The following AMBRA1 variants were observed in gnomAD, a reference collection of about 807,000 sequenced individuals.
AMBRA1 encodes the protein activating molecule in BECN1-regulated autophagy protein 1.
AMBRA1 carries 47 observed loss-of-function variants against 125.4 expected under a neutral mutation model. The observed-to-expected ratio is 0.37, with a 90% CI of 0.30 to 0.48. The LOEUF (loss-of-function observed/expected upper bound fraction) is 0.48, where lower values mean the gene tolerates loss of function less well. Ranked by LOEUF, AMBRA1 falls within the 20% of genes least tolerant of loss-of-function variation. The probability of loss-of-function intolerance (pLI) is 0.99; values close to 1 mark genes in which losing one functional copy is unlikely to be tolerated. For missense variants in AMBRA1, 1,331 were observed against 1,693.4 expected, an observed-to-expected ratio of 0.79 and a Z score of 3.76; for synonymous variants, 626 against 655.5, an observed-to-expected ratio of 0.95 and a Z score of 0.69.
intron 7 of AMBRA1, among the ~76,000 whole-genome samples, chr11:46,532,226 G>C (rs1485683231): frequency 1.3e-5 from 2 of 152,166 alleles, no homozygotes; most frequent in African/African-American, 4.8e-5. Context: ...CTAAGTGGAT[G>C]AAGGCCAGTA....
chr11:46,571,023 C>T (rs1371442625), intron 1 of AMBRA1, among the ~76,000 whole-genome samples: 1 of 152,164 alleles, frequency 6.6e-6, no homozygotes, highest in Non-Finnish European at 1.5e-5. Flanking sequence ...GCAAGTGTTA[C>T]CCTCAAGGAA....
chr11:46,433,698 T>G (rs556894977), intron 13 of AMBRA1, 70 bp from the exon 14 acceptor site: 2 of 1,493,422 alleles, frequency 1.3e-6, no homozygotes, highest in Non-Finnish European at 1.8e-6. Context: ...CTTTCACTCT[T>G]ACTCTTGTCT....
intron 9 of AMBRA1, chr11:46,494,804 T>C (rs188387893): frequency 2.0e-4 from 31 of 152,710 alleles, no homozygotes; most frequent in Admixed American, 2.0e-3. Context: ...CGTAATCCTA[T>C]GTTAGGTCAT....
At chr11:46,524,328 G>A (rs1282313575) in intron 7 of AMBRA1, among the ~76,000 whole-genome samples, 1 of 152,218 alleles carries the variant, frequency 6.6e-6, no homozygotes, top group Non-Finnish European at 1.5e-5. Context: ...ACCAGTATGT[G>A]ACAGGTGAAG....
chr11:46,488,689 A>G (rs1950350207), intron 11 of AMBRA1, among the ~76,000 whole-genome samples: 1 of 152,214 alleles, frequency 6.6e-6, no homozygotes, highest in Non-Finnish European at 1.5e-5. Flanking sequence ...ACTCTCTAGA[A>G]GAGCCTATAT....
chr11:46,435,682 TATGC>T (rs1947683045), intron 12 of AMBRA1, among the ~76,000 whole-genome samples: 1 of 152,240 alleles, frequency 6.6e-6, no homozygotes, highest in Admixed American at 6.5e-5. Context: ...CATTTCCCAC[TATGC>T]TCTATGCCAA....
intron 2 of AMBRA1, 151 bp from the exon 3 acceptor site, chr11:46,548,026 T>A: frequency 8.3e-7 from 1 of 1,202,034 alleles, no homozygotes; most frequent in Non-Finnish European, 1.2e-6. Flanking sequence ...TTGAGAGAGA[T>A]AAACCTAAAT....
rs184210057 is a variant in AMBRA1 at position 46,559,247 on chromosome 11, C to T, written c.-120-10747G>A. ...CTCGGGAGGCAGAGGTTGCAGTGAGCCGAGATCACGCCACTGTACTCCGCC... is the reference window on the plus strand; with the variant it reads ...CTCGGGAGGCAGAGGTTGCAGTGAGTCGAGATCACGCCACTGTACTCCGCC... On this transcript the variant is annotated intron_variant, in intron 1 of 17. Transcript: ENST00000683756. 2.8e-3 allele frequency among the ~76,000 whole-genome samples: 429 copies of T among 151,994 alleles called. 1 individual carries two copies. Among genetic ancestry groups the T allele is most frequent in the Non-Finnish European group, 4.1e-3 (276 of 67,972 alleles).
intron 11 of AMBRA1, among the ~76,000 whole-genome samples, chr11:46,480,476 C>T (rs996062956): frequency 1.3e-5 from 2 of 152,172 alleles, no homozygotes; most frequent in African/African-American, 4.8e-5. Flanking sequence ...AGCTAAATGA[C>T]ATAATGGCCA....
chr11:46,465,094 C>A (rs1417406464), intron 11 of AMBRA1, among the ~76,000 whole-genome samples: 8 of 152,006 alleles, frequency 5.3e-5, no homozygotes, highest in Non-Finnish European at 1.2e-4. Flanking sequence ...CAATATTCCC[C>A]AGCCCTAAAT....
chr11:46,567,891 G>A (rs1408869634), intron 1 of AMBRA1, among the ~76,000 whole-genome samples: 1 of 152,054 alleles, frequency 6.6e-6, no homozygotes, highest in Non-Finnish European at 1.5e-5. Flanking sequence ...GCTCACACCT[G>A]TAATCCCAGC....
At chr11:46,582,780 A>C (rs1014460848) in intron 1 of AMBRA1, among the ~76,000 whole-genome samples, 3 of 152,206 alleles carry the variant, frequency 2.0e-5, no homozygotes, top group East Asian at 3.8e-4. Context: ...CAAAGCGCTT[A>C]CTACAGTACC....
rs1207790441 is a variant in AMBRA1 at position 46,543,300 on chromosome 11, G to A, written c.717C>T (p.Leu239=). 6.2e-7 allele frequency: 1 copy of A among 1,613,944 alleles called. No homozygotes were observed. Among genetic ancestry groups the A allele is most frequent in the Non-Finnish European group, 8.5e-7 (1 of 1,179,998 alleles). Residue 239 remains leucine (L), a synonymous_variant, in exon 7 of 18, where the codon CTC becomes CTT. Transcript: ENST00000683756. ...ACAGCATGTGCAGGAAATTGTGGAG[G>A]AGAGGCGTCCGGCGAACTGGCTGTG... ...LQSQPVRRTP[L]LHNFLHMLSS... is the part of the protein sequence containing the mutation.
chr11:46,446,923 CTTG>C (rs1262911973), intron 11 of AMBRA1, among the ~76,000 whole-genome samples: 1 of 152,186 alleles, frequency 6.6e-6, no homozygotes, highest in African/African-American at 2.4e-5. Context: ...GATCTTACGG[CTTG>C]TTTTTTGTTT....
intron 11 of AMBRA1, among the ~76,000 whole-genome samples, chr11:46,459,477 G>A (rs190015835): frequency 6.8e-4 from 103 of 152,048 alleles, no homozygotes; most frequent in African/African-American, 2.3e-3. Flanking sequence ...TTGGGAAACC[G>A]ACGCAAGTGG....
chr11:46,457,718 T>C (rs1014827419), intron 11 of AMBRA1, among the ~76,000 whole-genome samples: 2 of 152,052 alleles, frequency 1.3e-5, no homozygotes, highest in South Asian at 2.1e-4. Flanking sequence ...CTAATCAACA[T>C]AGTAAAACCC....
At chr11:46,456,647 T>C (rs1048228615) in intron 11 of AMBRA1, among the ~76,000 whole-genome samples, 1 of 152,188 alleles carries the variant, frequency 6.6e-6, no homozygotes, top group African/African-American at 2.4e-5. Context: ...GCTTTTATTG[T>C]TTGGTGGAAG....
At chr11:46,441,891 T>C (rs560848865) in intron 12 of AMBRA1, among the ~76,000 whole-genome samples, 1 of 147,588 alleles carries the variant, frequency 6.8e-6, no homozygotes, top group African/African-American at 2.5e-5. Flanking sequence ...ATTTATACTA[T>C]GGAGGTTCAG....
At chr11:46,583,306 A>G (rs1437974202) in intron 1 of AMBRA1, among the ~76,000 whole-genome samples, 15 of 151,772 alleles carry the variant, frequency 9.9e-5, no homozygotes, top group Non-Finnish European at 1.5e-5. Flanking sequence ...ATATGTAGAA[A>G]GCTGAAACTG....
Sources: allele counts gnomAD v4.1 joint callset (sites outside exome capture counted in the v4.1 genomes callset), GRCh38; gene constraint gnomAD v4.1.1; transcripts MANE v1.5; gene names NCBI Gene and HGNC (gene_info 2026-07-23, HGNC 2026-07-21).